MBOAT2: variants seen among roughly 807,000 people sequenced by gnomAD.
MBOAT2 encodes the protein membrane bound glycerophospholipid O-acyltransferase 2.
In MBOAT2, 28 loss-of-function variants were observed where a neutral mutation model predicts 63.4. The ratio of observed to expected loss-of-function variants is 0.44; its 90% confidence interval spans 0.33 to 0.61. MBOAT2 has a LOEUF of 0.61. Ranked by LOEUF, MBOAT2 falls within the 20% of genes least tolerant of loss-of-function variation. The pLI, the probability that MBOAT2 is intolerant of heterozygous loss-of-function variation, is 0.03. For missense variants in MBOAT2, 470 were observed against 605.8 expected (o/e 0.78, Z 2.35); for synonymous variants, 211 against 215.6 (o/e 0.98, Z 0.19).
chr2:8,877,003 G>A, intron 7 of MBOAT2, 27 bp downstream of exon 7: 3 of 1,574,268 alleles, frequency 1.9e-6, no homozygotes, highest in Non-Finnish European at 2.6e-6. Flanking sequence ...ATGCTGTAAA[G>A]GCTCCAGATA....
intron 12 of MBOAT2, among the ~76,000 whole-genome samples, chr2:8,859,286 CTT>C (rs1661330564): frequency 6.6e-6 from 1 of 152,166 alleles, no homozygotes; most frequent in Admixed American, 6.5e-5. Flanking sequence ...ATAGTTAAGA[CTT>C]TTACCAGTCT....
At chr2:8,946,084 A>G (rs1214089124) in intron 2 of MBOAT2, among the ~76,000 whole-genome samples, 1 of 152,248 alleles carries the variant, frequency 6.6e-6, no homozygotes, top group Non-Finnish European at 1.5e-5. Context: ...ATCACTCTGG[A>G]TGATGGTAAT....
chr2:8,891,309 A>T (rs1303434088), intron 4 of MBOAT2, among the ~76,000 whole-genome samples: 1 of 152,248 alleles, frequency 6.6e-6, no homozygotes, highest in Non-Finnish European at 1.5e-5. Context: ...AAAGTTCAGT[A>T]AGGGATGAGC....
intron 3 of MBOAT2, among the ~76,000 whole-genome samples, chr2:8,927,561 T>C (rs955112956): frequency 3.3e-5 from 5 of 152,004 alleles, no homozygotes; most frequent in African/African-American, 1.2e-4. Flanking sequence ...CCAAGTACAA[T>C]AGAGAGCTGT....
At chr2:8,950,164 A>T (rs540320734) in intron 2 of MBOAT2, among the ~76,000 whole-genome samples, 10 of 152,268 alleles carry the variant, frequency 6.6e-5, no homozygotes, top group East Asian at 1.9e-4. Flanking sequence ...CTATACATCG[A>T]TCTTGTAGCC....
At chr2:8,938,380 A>G (rs1024782265) in intron 3 of MBOAT2, among the ~76,000 whole-genome samples, 1 of 152,122 alleles carries the variant, frequency 6.6e-6, no homozygotes, top group South Asian at 2.1e-4. Context: ...CTCTCTCTCT[A>G]GCATACACAC....
intron 4 of MBOAT2, among the ~76,000 whole-genome samples, chr2:8,895,924 C>T (rs1007288227): frequency 4.6e-5 from 7 of 152,164 alleles, no homozygotes; most frequent in South Asian, 2.1e-4. Context: ...TGTTGCCCAA[C>T]TCCAGAGGTT....
chr2:8,995,447 G>A (rs960159810), intron 1 of MBOAT2, among the ~76,000 whole-genome samples: 4 of 152,106 alleles, frequency 2.6e-5, no homozygotes, highest in Non-Finnish European at 4.4e-5. Context: ...CTTGTTTCAG[G>A]GCCAAATTGC....
chr2:8,997,003 T>C (rs1055120001), intron 1 of MBOAT2, among the ~76,000 whole-genome samples: 1 of 152,142 alleles, frequency 6.6e-6, no homozygotes, highest in Non-Finnish European at 1.5e-5. Flanking sequence ...TGGGAAGCCA[T>C]GGTAGAAGAG....
chr2:8,874,894 T>C (rs1003092753), intron 7 of MBOAT2, among the ~76,000 whole-genome samples: 7 of 152,214 alleles, frequency 4.6e-5, no homozygotes, highest in Non-Finnish European at 1.0e-4. Context: ...TTCTGGCCAA[T>C]AGGATATGAG....
At position 8,949,932 on chromosome 2, in the gene MBOAT2, T is replaced by C. The variant is rs533853748; in HGVS notation, c.222-6668A>G. 8.5e-5 allele frequency among the ~76,000 whole-genome samples: 13 copies of C among 152,348 alleles called. 1 individual carries two copies. The South Asian group carries it at 2.5e-3, about 29-fold the overall frequency. On this transcript the variant is annotated intron_variant, in intron 2 of 12. Coordinates refer to ENST00000305997, the MANE Select transcript of MBOAT2 (RefSeq NM_138799.4). ...GGGCAGTATGGCCATTTTAGTGGCA[T>C]TGACTCTTCCAATCCATAAGCTGAG...
At chr2:8,865,217 G>T (rs1572914308) in intron 9 of MBOAT2, among the ~76,000 whole-genome samples, 1 of 152,022 alleles carries the variant, frequency 6.6e-6, no homozygotes, top group East Asian at 1.9e-4. Flanking sequence ...TCAAAATAAA[G>T]TCAAGAAGAG....
rs143212890 is a variant in MBOAT2, at chr2:8,958,288, A to C, written c.221+209T>G. On this transcript the variant is annotated intron_variant, in intron 2 of 12. Coordinates refer to ENST00000305997, the MANE Select transcript of MBOAT2 (RefSeq NM_138799.4). ...TGTCTTTCCACAAATTATAAATAGT[A>C]AATTTTCCTCTAAGACTAAAGAGAG... Among the ~76,000 whole-genome samples, 696 of 152,330 alleles carry C rather than the reference A, an allele frequency of 4.6e-3. 3 individuals are homozygous for C. The highest frequency in any genetic ancestry group is 0.016 in the African/African-American group (645 of 41,580).
chr2:8,979,690 T>G (rs1671068578), intron 1 of MBOAT2, among the ~76,000 whole-genome samples: 1 of 152,148 alleles, frequency 6.6e-6, no homozygotes, highest in African/African-American at 2.4e-5. Flanking sequence ...ATTATAATAT[T>G]AAGCATGAGT....
chr2:8,949,015 T>TA (rs1428879283), intron 2 of MBOAT2, among the ~76,000 whole-genome samples: 3 of 152,238 alleles, frequency 2.0e-5, no homozygotes, highest in Non-Finnish European at 4.4e-5. Context: ...GTTTTGACTT[T>TA]TTAATAATAA....
At chr2:8,860,946 T>G in intron 11 of MBOAT2, 182 bp from the exon 12 acceptor site, 1 of 479,796 alleles carries the variant, frequency 2.1e-6, no homozygotes, top group Non-Finnish European at 3.7e-6. Context: ...GAATACACAT[T>G]GTACACACTG....
At chr2:8,994,543 C>A (rs1198634217) in intron 1 of MBOAT2, among the ~76,000 whole-genome samples, 1 of 152,170 alleles carries the variant, frequency 6.6e-6, no homozygotes, top group Non-Finnish European at 1.5e-5. Context: ...ATCAGGAATA[C>A]CAGGGGCCTC....
chr2:8,969,748 C>G (rs1173244924), intron 1 of MBOAT2, among the ~76,000 whole-genome samples: 1 of 152,090 alleles, frequency 6.6e-6, no homozygotes, highest in Non-Finnish European at 1.5e-5. Flanking sequence ...GACTTTAAAC[C>G]AACAAAGATC....
intron 4 of MBOAT2, among the ~76,000 whole-genome samples, chr2:8,893,389 ACTTAATCCTGACCCCACAT>A (rs917546615): frequency 1.3e-5 from 2 of 152,210 alleles, no homozygotes; most frequent in Non-Finnish European, 2.9e-5. Flanking sequence ...GAGTCAGAAC[ACTTAATCCTGACCCCACAT>A]CAGCTGTGGA....
Sources: allele counts gnomAD v4.1 joint callset (sites outside exome capture counted in the v4.1 genomes callset), GRCh38; gene constraint gnomAD v4.1.1; transcripts MANE v1.5; gene names NCBI Gene and HGNC (gene_info 2026-07-23, HGNC 2026-07-21).